Variants in CHN2 observed in about 807,000 individuals in gnomAD.
CHN2 encodes the protein beta-chimaerin.
In CHN2, 35 loss-of-function variants were observed where a neutral mutation model predicts 56.3. The ratio of observed to expected loss-of-function variants is 0.62; its 90% CI spans 0.47 to 0.82. CHN2 has a LOEUF of 0.82. Among genes scored for constraint, CHN2 ranks in the 40% least tolerant of loss-of-function variants. The probability of loss-of-function intolerance (pLI) is 0.00; values close to 1 mark genes in which losing one functional copy is unlikely to be tolerated. For synonymous variants in CHN2, 210 were observed against 212.8 expected (o/e 0.99, Z 0.12); for missense variants, 491 against 580.5 (o/e 0.85, Z 1.58).
intron 2 of CHN2, among the ~76,000 whole-genome samples, chr7:29,148,914 T>A (rs569987446): frequency 2.0e-5 from 3 of 152,176 alleles, no homozygotes; most frequent in Admixed American, 1.3e-4. Flanking sequence ...AGGGGAATCC[T>A]GTCAGAGGAG....
chr7:29,147,542 A>G (rs763931552), intron 2 of CHN2, among the ~76,000 whole-genome samples: 1 of 152,186 alleles, frequency 6.6e-6, no homozygotes, highest in Non-Finnish European at 1.5e-5. Flanking sequence ...CTAAGTACCT[A>G]CTTTATTGGG....
intron 2 of CHN2, among the ~76,000 whole-genome samples, chr7:29,178,209 T>C (rs757488303): frequency 2.6e-5 from 4 of 152,218 alleles, no homozygotes; most frequent in Non-Finnish European, 4.4e-5. Context: ...CTTCTTACTA[T>C]CCTTTTCCAT....
chr7:29,363,308 A>G (rs1798878761), intron 2 of CHN2, among the ~76,000 whole-genome samples: 1 of 152,240 alleles, frequency 6.6e-6, no homozygotes, highest in Non-Finnish European at 1.5e-5. Flanking sequence ...CAATATGGTG[A>G]AAGCCTGTCT....
intron 6 of CHN2, among the ~76,000 whole-genome samples, chr7:29,458,765 T>C (rs78224275): frequency 0.016 from 2,418 of 152,320 alleles, 64 homozygotes; most frequent in African/African-American, 0.053. Context: ...AGCGTCTTAG[T>C]TTCCCACATT....
chr7:29,290,862 A>T (rs898732674), intron 1 of CHN2, among the ~76,000 whole-genome samples: 12 of 152,134 alleles, frequency 7.9e-5, no homozygotes, highest in African/African-American at 2.4e-4. Context: ...AAAATTTATT[A>T]AAAAAATTTA....
intron 6 of CHN2, among the ~76,000 whole-genome samples, chr7:29,443,214 A>G (rs143188815): frequency 6.6e-6 from 1 of 152,214 alleles, no homozygotes; most frequent in East Asian, 1.9e-4. Context: ...TGCTGGGATT[A>G]CAGGCGTGAG....
chr7:29,253,890 C>G, intron 1 of CHN2, among the ~76,000 whole-genome samples: 1 of 152,056 alleles, frequency 6.6e-6, no homozygotes, highest in East Asian at 1.9e-4. Flanking sequence ...GGAGTAGATG[C>G]TAAATAAATG....
intron 6 of CHN2, among the ~76,000 whole-genome samples, chr7:29,453,994 G>T (rs1784579221): frequency 6.6e-6 from 1 of 152,096 alleles, no homozygotes. Flanking sequence ...CATATAAATG[G>T]CCCAGTGGGT....
chr7:29,158,277 C>T lies in CHN2; in HGVS notation c.274+11317C>T, dbSNP rs540731689. Among the ~76,000 whole-genome samples, 41 of 152,294 alleles carry T rather than the reference C, an allele frequency of 2.7e-4. No homozygotes were observed. In the South Asian group the frequency reaches 6.8e-3, roughly 25 times the overall value. The stretch of plus-strand genomic sequence containing the variant: ...TGAAGGAAAAGCAGTTTATAGCACA[C>T]ACATATTTTCTTAGGACCTCAGTTT... On this transcript the variant is annotated intron_variant, in intron 2 of 6. Transcript: ENST00000439384.
chr7:29,361,515 A>T (rs546317527), intron 2 of CHN2, among the ~76,000 whole-genome samples: 1 of 152,334 alleles, frequency 6.6e-6, no homozygotes, highest in African/African-American at 2.4e-5. Context: ...AAGTCATCAA[A>T]TAATGATGTC....
chr7:29,274,198 A>G lies in CHN2; in HGVS notation c.49+79208A>G, dbSNP rs946716221. On this transcript the variant is annotated intron_variant, in intron 1 of 12. Coordinates refer to ENST00000222792, the MANE Select transcript of CHN2 (RefSeq NM_004067.4). Reference sequence around the variant, plus strand: ...ATTGATGTTGAACGTCCTATTGGACAGGCTGGCCAAGTTCTTGCTCATGGA... The same window carrying G: ...ATTGATGTTGAACGTCCTATTGGACGGGCTGGCCAAGTTCTTGCTCATGGA... Among the ~76,000 whole-genome samples, 7 of 152,234 alleles carry G rather than the reference A, an allele frequency of 4.6e-5. No homozygotes were observed. In the East Asian group the frequency reaches 1.3e-3, roughly 29 times the overall value.
chr7:29,306,258 C>T (rs1460378432), intron 1 of CHN2, among the ~76,000 whole-genome samples: 1 of 152,118 alleles, frequency 6.6e-6, no homozygotes, highest in Non-Finnish European at 1.5e-5. Context: ...ATTCTATTGC[C>T]TTATCAGTTT....
intron 1 of CHN2, among the ~76,000 whole-genome samples, chr7:29,305,738 G>T (rs1192294110): frequency 6.7e-6 from 1 of 148,284 alleles, no homozygotes; most frequent in Non-Finnish European, 1.5e-5. Context: ...AAAAGAATGT[G>T]CATCTATTTC....
chr7:29,281,894 G>T (rs929199780), intron 1 of CHN2, among the ~76,000 whole-genome samples: 6 of 152,228 alleles, frequency 3.9e-5, no homozygotes, highest in African/African-American at 1.4e-4. Context: ...TTGTGCCTGA[G>T]TATGCGGTGC....
At position 29,177,360 on chromosome 7, in the gene CHN2, TCTC is replaced by T. The variant is rs534181795; in HGVS notation, c.274+30403_274+30405del. On this transcript the variant is annotated intron_variant, in intron 2 of 6. Transcript: ENST00000439384. ...CCTCTGCCTCCCGGGTTCAAGCAATTCTCCTGCCGCAATCTCCTGAGTAGCTGG... is the reference window on the plus strand; with the variant it reads ...CCTCTGCCTCCCGGGTTCAAGCAATTCTGCCGCAATCTCCTGAGTAGCTGG... 7.9e-5 allele frequency among the ~76,000 whole-genome samples: 12 copies of T among 152,212 alleles called. No homozygotes were observed. The East Asian group carries it at 2.3e-3, about 29-fold the overall frequency.
intron 1 of CHN2, among the ~76,000 whole-genome samples, chr7:29,265,123 C>T (rs967336990): frequency 1.3e-5 from 2 of 152,158 alleles, no homozygotes; most frequent in African/African-American, 4.8e-5. Context: ...GCATCATGGG[C>T]TGCCCTTCTG....
At chr7:29,214,575 C>A (rs1222281373) in intron 1 of CHN2, among the ~76,000 whole-genome samples, 2 of 152,138 alleles carry the variant, frequency 1.3e-5, no homozygotes, top group African/African-American at 4.8e-5. Flanking sequence ...CTTGTGGTGT[C>A]TTTCCTAATC....
At chr7:29,418,298 A>C (rs1803984836) in intron 6 of CHN2, among the ~76,000 whole-genome samples, 1 of 152,268 alleles carries the variant, frequency 6.6e-6, no homozygotes, top group Non-Finnish European at 1.5e-5. Context: ...CAGGAACAGA[A>C]GCTGCGGAAA....
intron 2 of CHN2, among the ~76,000 whole-genome samples, chr7:29,173,211 C>T (rs1796842661): frequency 1.3e-5 from 2 of 151,330 alleles, no homozygotes; most frequent in Non-Finnish European, 2.9e-5. Flanking sequence ...ATAGGAAAGT[C>T]AAGGAAATCT....
Sources: gnomAD v4.1 joint callset for allele counts (sites outside exome capture counted in the v4.1 genomes callset) on GRCh38, gnomAD v4.1.1 for gene constraint, MANE v1.5 for transcripts, NCBI Gene and HGNC (gene_info 2026-07-23, HGNC 2026-07-21) for gene names.